The following PLEKHA5 variants were observed in gnomAD, a reference collection of about 807,000 sequenced individuals.
PLEKHA5 encodes the protein pleckstrin homology domain-containing family A member 5.
Under a neutral mutation model 181.9 loss-of-function variants are expected in PLEKHA5, and 55 were observed. The observed-to-expected ratio is 0.30, with a 90% CI of 0.24 to 0.38. The LOEUF (loss-of-function observed/expected upper bound fraction) is 0.38. PLEKHA5 is among the 10% of genes least tolerant of loss of function. PLEKHA5 has a pLI of 1.00. For missense variants in PLEKHA5, 1,432 were observed against 1,549.5 expected (o/e 0.92, Z 1.27); for synonymous variants, 535 against 529.4 (o/e 1.01, Z -0.15).
intron 3 of PLEKHA5, among the ~76,000 whole-genome samples, chr12:19,177,141 C>T (rs2047491298): frequency 6.6e-6 from 1 of 152,096 alleles, no homozygotes; most frequent in Non-Finnish European, 1.5e-5. Flanking sequence ...ACTGGAATTA[C>T]AGGTGTGAGC....
At chr12:19,289,663 G>A (rs542267206) in intron 13 of PLEKHA5, among the ~76,000 whole-genome samples, 5 of 152,120 alleles carry the variant, frequency 3.3e-5, no homozygotes, top group Admixed American at 6.5e-5. Flanking sequence ...TTCATCCACT[G>A]TTGAAAATTT....
At chr12:19,213,018 G>A (rs1250796563) in intron 3 of PLEKHA5, among the ~76,000 whole-genome samples, 1 of 151,838 alleles carries the variant, frequency 6.6e-6, no homozygotes, top group Non-Finnish European at 1.5e-5. Context: ...CCACATAGGG[G>A]AAATAGGGTC....
At chr12:19,323,050 A>G (rs976009663) in intron 20 of PLEKHA5, among the ~76,000 whole-genome samples, 1 of 124,694 alleles carries the variant, frequency 8.0e-6, no homozygotes, top group Non-Finnish European at 1.6e-5. Flanking sequence ...TTTCATAGAA[A>G]TGGGGCCTCA....
intron 15 of PLEKHA5, among the ~76,000 whole-genome samples, chr12:19,292,819 A>G (rs2078813408): frequency 6.6e-6 from 1 of 152,072 alleles, no homozygotes; most frequent in Non-Finnish European, 1.5e-5. Flanking sequence ...TGCACCTGTA[A>G]TCCCTGCTAC....
chr12:19,269,392 A>AAG (rs1555139449), intron 8 of PLEKHA5, among the ~76,000 whole-genome samples: 4 of 140,734 alleles, frequency 2.8e-5, no homozygotes, highest in Non-Finnish European at 6.0e-5. Flanking sequence ...GTCTCAAAAA[A>AAG]AAGAAAAAAA....
At position 19,197,563 on chromosome 12, in the gene PLEKHA5, G is replaced by T. The variant is rs188502174; in HGVS notation, c.228-56377G>T. Reference sequence around the variant, plus strand: ...TACATCGTTTATTGTGTTTGCACTTGTCTTCTCTGATAGAAGCTCCCTGAA... The same window carrying T: ...TACATCGTTTATTGTGTTTGCACTTTTCTTCTCTGATAGAAGCTCCCTGAA... On this transcript the variant is annotated intron_variant, in intron 3 of 31. Transcript: ENST00000429027. Among the ~76,000 whole-genome samples the T allele has an allele frequency of 3.3e-5, 5 of 152,122 alleles. No individual in the cohort carries two copies. The South Asian group carries it at 1.0e-3, about 32-fold the overall frequency.
intron 20 of PLEKHA5, among the ~76,000 whole-genome samples, chr12:19,327,497 C>A (rs1164313897): frequency 6.6e-6 from 1 of 151,788 alleles, no homozygotes; most frequent in African/African-American, 2.4e-5. Context: ...GGATATTCAA[C>A]CTTTGTCGGA....
At chr12:19,347,361 T>C (rs2153200733) in intron 24 of PLEKHA5, among the ~76,000 whole-genome samples, 179 bp downstream of exon 24, 1 of 152,116 alleles carries the variant, frequency 6.6e-6, no homozygotes, top group South Asian at 2.1e-4. Flanking sequence ...TTGGTTTTGC[T>C]ATTCTCATTT....
chr12:19,220,577 T>G (rs1323106468), intron 3 of PLEKHA5, among the ~76,000 whole-genome samples: 1 of 152,302 alleles, frequency 6.6e-6, no homozygotes, highest in Middle Eastern at 3.4e-3. Flanking sequence ...TTTCTATGAA[T>G]GTACATTAAT....
At chr12:19,290,045 C>T (rs554690482) in intron 13 of PLEKHA5, among the ~76,000 whole-genome samples, 10 of 152,054 alleles carry the variant, frequency 6.6e-5, no homozygotes, top group African/African-American at 1.2e-4. Context: ...TGGATTCAAG[C>T]GATTCTCCTG....
chr12:19,276,462 G>A (rs1165470184), intron 11 of PLEKHA5, among the ~76,000 whole-genome samples: 2 of 152,168 alleles, frequency 1.3e-5, no homozygotes, highest in Admixed American at 6.6e-5. Context: ...AGGCCAAGGC[G>A]GGCAGTTCAG....
In PLEKHA5 at chr12:19,322,538, G is replaced by T; in HGVS notation, c.2319G>T (p.Leu773Phe). Residue 773 changes from leucine to phenylalanine, a missense_variant, in exon 20 of 32, where the codon TTG becomes TTT. Physicochemically the swap from Leu to Phe is conservative, Grantham distance 22. Transcript: ENST00000429027. ...HKEKYTLEQA[L>F]LSASQEIEMH... is the part of the protein sequence containing the mutation. ...AATAGTACACGCTTGAGCAAGCTTTGCTATCAGCCAGCCAAGAGATAGAAA... is the reference window on the plus strand; with the variant it reads ...AATAGTACACGCTTGAGCAAGCTTTTCTATCAGCCAGCCAAGAGATAGAAA... 6.2e-7 allele frequency: 1 copy of T among 1,614,006 alleles called. No individual in the cohort carries two copies. The highest frequency in any genetic ancestry group is 8.5e-7 in the Non-Finnish European group (1 of 1,179,912).
chr12:19,266,810 G>A (rs1260757347), intron 8 of PLEKHA5, among the ~76,000 whole-genome samples: 1 of 151,958 alleles, frequency 6.6e-6, no homozygotes. Flanking sequence ...AAATTTGGAG[G>A]AAGAGTACTA....
chr12:19,172,325 A>G (rs997144577), intron 3 of PLEKHA5, among the ~76,000 whole-genome samples: 3 of 152,110 alleles, frequency 2.0e-5, no homozygotes, highest in South Asian at 2.1e-4. Context: ...ACTGTTATCT[A>G]TGCTGTCTGT....
At chr12:19,368,609 A>C (rs899164612) in intron 30 of PLEKHA5, among the ~76,000 whole-genome samples, 1 of 152,094 alleles carries the variant, frequency 6.6e-6, no homozygotes, top group Non-Finnish European at 1.5e-5. Flanking sequence ...CCTGACCAAC[A>C]TGGAGAAACC....
chr12:19,193,597 G>A (rs915534018), intron 3 of PLEKHA5, among the ~76,000 whole-genome samples: 4 of 151,990 alleles, frequency 2.6e-5, no homozygotes, highest in Non-Finnish European at 5.9e-5. Flanking sequence ...TCTATCACTG[G>A]AGCAATGCAC....
At chr12:19,144,550 GAGGAGAGCTA>G (rs2038368689) in intron 3 of PLEKHA5, among the ~76,000 whole-genome samples, 1 of 152,206 alleles carries the variant, frequency 6.6e-6, no homozygotes, top group Admixed American at 6.5e-5. Flanking sequence ...TCAGATGTGG[GAGGAGAGCTA>G]CATAGGAGTG....
chr12:19,344,177 TATAA>T (rs2094153384), intron 22 of PLEKHA5, among the ~76,000 whole-genome samples: 1 of 152,206 alleles, frequency 6.6e-6, no homozygotes, highest in South Asian at 2.1e-4. Flanking sequence ...GAATGACATA[TATAA>T]TTGAGTTTCT....
chr12:19,141,315 C>T (rs2037222682), intron 3 of PLEKHA5, among the ~76,000 whole-genome samples: 2 of 152,200 alleles, frequency 1.3e-5, no homozygotes, highest in South Asian at 4.1e-4. Context: ...CTTTTGACTA[C>T]CTTGGATCAC....
Sources: allele counts gnomAD v4.1 joint callset (sites outside exome capture counted in the v4.1 genomes callset), GRCh38; gene constraint gnomAD v4.1.1; transcripts MANE v1.5; gene names NCBI Gene and HGNC (gene_info 2026-07-23, HGNC 2026-07-21).